The following PHKA1 variants were observed in gnomAD, a reference collection of about 807,000 sequenced individuals.
The protein encoded by PHKA1 is phosphorylase kinase regulatory subunit alpha 1.
A neutral mutation model predicts 110.2 loss-of-function variants in PHKA1; 60 were observed. That is an observed-to-expected ratio of 0.54 (90% confidence interval 0.44 to 0.68). The LOEUF (loss-of-function observed/expected upper bound fraction) is 0.68, where lower values mean the gene tolerates loss of function less well. Ranked by LOEUF, PHKA1 falls within the 30% of genes least tolerant of loss-of-function variation. The probability of loss-of-function intolerance (pLI) is 0.00; values close to 1 mark genes in which losing one functional copy is unlikely to be tolerated. For synonymous variants in PHKA1, 316 were observed against 333.6 expected (o/e 0.95, Z 0.58); for missense variants, 801 against 942.5 (o/e 0.85, Z 1.97).
At position 72,644,387 on chromosome X, in the gene PHKA1, A is replaced by G; in HGVS notation, c.1434T>C (p.Ile478=). 4 of 1,210,278 alleles carry G rather than the reference A, an allele frequency of 3.3e-6. No individual in the cohort carries two copies. The South Asian group carries it at 7.1e-5, about 21-fold the overall frequency. ...VYPIRVQPAR[I]LSHIYSSLGC... is the part of the protein sequence containing the mutation. ...CTAGGCTGGAATAAATGTGGCTGAG[A>G]ATACGAGCTGGTTGTACTCTGATGG... Residue 478 remains isoleucine, a synonymous_variant, in exon 14 of 32, where the codon ATT becomes ATC. Coordinates refer to ENST00000373542, the MANE Select transcript of PHKA1 (RefSeq NM_002637.4).
intron 16 of PHKA1, among the ~76,000 whole-genome samples, chrX:72,630,872 CT>C: frequency 9.0e-6 from 1 of 110,507 alleles, no homozygotes; most frequent in Non-Finnish European, 1.9e-5. Context: ...TTCTCTCATA[CT>C]TTTTCTCCTC....
At position 72,657,646 on chromosome X, in the gene PHKA1, G is replaced by T; in HGVS notation, c.865-5C>A. On this transcript the variant is annotated splice_polypyrimidine_tract_variant and splice_region_variant and intron_variant, in intron 8 of 31. Coordinates refer to ENST00000373542, the MANE Select transcript of PHKA1 (RefSeq NM_002637.4). ...GCGACAGCAACCATAACGACCCTGGGAATACAAAGAAAAAAGGTCAGCAGC... is the reference window on the plus strand; with the variant it reads ...GCGACAGCAACCATAACGACCCTGGTAATACAAAGAAAAAAGGTCAGCAGC... 1 of 1,202,362 alleles carries T rather than the reference G, an allele frequency of 8.3e-7. No individual in the cohort carries two copies. Among genetic ancestry groups the T allele is most frequent in the Non-Finnish European group, 1.1e-6 (1 of 887,520 alleles).
At chrX:72,621,208 TG>T (rs2052975037) in intron 18 of PHKA1, among the ~76,000 whole-genome samples, 1 of 111,506 alleles carries the variant, frequency 9.0e-6, no homozygotes, top group African/African-American at 3.3e-5. Context: ...TGTGTATTTG[TG>T]TGTGTGCATG....
At chrX:72,657,567 T>G (rs2053510849) in intron 9 of PHKA1, 21 bp downstream of exon 9, 1 of 1,180,960 alleles carries the variant, frequency 8.5e-7, no homozygotes, top group Admixed American at 2.2e-5. Context: ...CTTGGATTCA[T>G]TTTGGAGAAA....
At chrX:72,599,673 C>A (rs1460624915) in intron 28 of PHKA1, 4 of 343,175 alleles carry the variant, frequency 1.2e-5, no homozygotes, top group Non-Finnish European at 2.1e-5. Flanking sequence ...TGAAAAGATT[C>A]ACCCCCATAT....
At chrX:72,697,801 G>A (rs2054147272) in intron 3 of PHKA1, among the ~76,000 whole-genome samples, 1 of 108,839 alleles carries the variant, frequency 9.2e-6, no homozygotes, top group South Asian at 4.1e-4. Flanking sequence ...TGGCTAACAC[G>A]GTGAAACCCT....
chrX:72,671,334 C>G (rs1421598015), intron 6 of PHKA1, among the ~76,000 whole-genome samples: 2 of 110,292 alleles, frequency 1.8e-5, no homozygotes, highest in African/African-American at 6.6e-5. Flanking sequence ...CTCCCATTCA[C>G]AATTGCTTCA....
chrX:72,623,334 C>T, intron 17 of PHKA1, 59 bp from the exon 18 acceptor site: 10 of 937,175 alleles, frequency 1.1e-5, no homozygotes, highest in Non-Finnish European at 1.5e-5. Context: ...TTAAACAACA[C>T]AATCTTAGTG....
At chrX:72,621,741 T>C (rs1172828469) in intron 18 of PHKA1, 33 of 740,473 alleles carry the variant, frequency 4.5e-5, no homozygotes, top group Non-Finnish European at 5.1e-5. Context: ...GACATCCTAA[T>C]GACAAAGATT....
At chrX:72,665,900 T>G in intron 8 of PHKA1, among the ~76,000 whole-genome samples, 1 of 111,932 alleles carries the variant, frequency 8.9e-6, no homozygotes, top group East Asian at 2.8e-4. Flanking sequence ...CATAGTTGGG[T>G]TATAAGGCAG....
intron 3 of PHKA1, among the ~76,000 whole-genome samples, chrX:72,703,457 T>A (rs782598701): frequency 9.0e-6 from 1 of 111,197 alleles, no homozygotes; most frequent in Non-Finnish European, 1.9e-5. Context: ...GGTGGGAGGA[T>A]CGCTTGAGCC....
chrX:72,705,116 T>A (rs1556331839), intron 3 of PHKA1, 82 bp downstream of exon 3: 3 of 787,305 alleles, frequency 3.8e-6, no homozygotes, highest in African/African-American at 4.1e-5. Context: ...AAAGAAAATA[T>A]AAGCTATAAA....
At chrX:72,680,906 C>A (rs2053847813) in intron 5 of PHKA1, among the ~76,000 whole-genome samples, 1 of 66,010 alleles carries the variant, frequency 1.5e-5, no homozygotes. Flanking sequence ...CTGCCTTGGC[C>A]TCCCAAAGTG....
chrX:72,586,185 C>T (rs914934591), intron 29 of PHKA1, among the ~76,000 whole-genome samples: 1 of 111,723 alleles, frequency 9.0e-6, no homozygotes, highest in East Asian at 2.8e-4. Flanking sequence ...CTGAATGACA[C>T]CACATACAGG....
intron 4 of PHKA1, among the ~76,000 whole-genome samples, chrX:72,685,540 A>G (rs2053957863): frequency 8.9e-6 from 1 of 112,255 alleles, no homozygotes; most frequent in African/African-American, 3.2e-5. Flanking sequence ...ATAATAAATC[A>G]GAAAACTGCA....
chrX:72,713,702 C>CA lies in PHKA1; in HGVS notation c.78+100_78+101insT, dbSNP rs1217178364. On this transcript the variant is annotated intron_variant, in intron 1 of 31. Transcript: ENST00000373542. ...CACACACACACACACACACACACACCCACACACGCACGCACGCACGGAGTT... is the reference window on the plus strand; with the variant it reads ...CACACACACACACACACACACACACCACACACACGCACGCACGCACGGAGTT... 4.8e-4 allele frequency: 205 copies of CA among 424,330 alleles called. 1 individual carries two copies. The highest frequency in any genetic ancestry group is 1.3e-3 in the Admixed American group (42 of 31,186). The allele number at this position is 424,330 out of a possible 1,213,427, so 35.0% of individuals were successfully genotyped here.
chrX:72,621,754 A>G, intron 18 of PHKA1: 1 of 749,518 alleles, frequency 1.3e-6, no homozygotes, highest in Non-Finnish European at 1.6e-6. Flanking sequence ...CAAAGATTGT[A>G]ACCTTGAATA....
intron 18 of PHKA1, 49 bp downstream of exon 18, chrX:72,623,060 A>T (rs1448513576): frequency 8.3e-7 from 1 of 1,206,237 alleles, no homozygotes; most frequent in Non-Finnish European, 1.1e-6. Context: ...GCTAAACAAT[A>T]TTTTGTAGTT....
chrX:72,666,115 C>T, intron 8 of PHKA1, 36 bp downstream of exon 8: 1 of 1,196,325 alleles, frequency 8.4e-7, no homozygotes, highest in Non-Finnish European at 1.1e-6. Context: ...CTTAAAGTCA[C>T]AGCCTTAAAG....
Sources: gnomAD v4.1 joint callset for allele counts (sites outside exome capture counted in the v4.1 genomes callset) on GRCh38, gnomAD v4.1.1 for gene constraint, MANE v1.5 for transcripts, NCBI Gene and HGNC (gene_info 2026-07-23, HGNC 2026-07-21) for gene names.